Variants in TENM2 observed in about 807,000 individuals in gnomAD.
TENM2 encodes the protein teneurin transmembrane protein 2, also known as teneurin-2.
In TENM2, 52 loss-of-function variants were observed where a neutral mutation model predicts 245.2. The ratio of observed to expected loss-of-function variants is 0.21; its 90% CI spans 0.17 to 0.27. The LOEUF is 0.27. Ranked by LOEUF, TENM2 falls within the 10% of genes least tolerant of loss-of-function variation. The pLI, the probability that TENM2 is intolerant of heterozygous loss-of-function variation, is 1.00. For synonymous variants in TENM2, 1,363 were observed against 1,438.9 expected, an observed-to-expected ratio of 0.95 and a Z score of 1.19; for missense variants, 3,046 against 3,666.8, an observed-to-expected ratio of 0.83 and a Z score of 4.37.
chr5:167,189,523 TTCTC>T, the TENM2 span, among the ~76,000 whole-genome samples: 3 of 151,874 alleles, frequency 2.0e-5, no homozygotes, highest in Non-Finnish European at 4.4e-5. Flanking sequence ...CTTCCTTCCT[TTCTC>T]TCTTTCTTTC....
At chr5:167,782,085 G>A (rs1043765508) in intron 2 of TENM2, among the ~76,000 whole-genome samples, 6 of 151,990 alleles carry the variant, frequency 3.9e-5, no homozygotes, top group Admixed American at 2.0e-4. Context: ...AGGATAAGGC[G>A]GGTGAATCAC....
intron 5 of TENM2, among the ~76,000 whole-genome samples, chr5:167,997,128 A>G (rs552684925): frequency 6.6e-6 from 1 of 152,292 alleles, no homozygotes; most frequent in East Asian, 1.9e-4. Context: ...TCTGCATATT[A>G]CAATCATTTG....
chr5:167,718,033 A>G (rs781419100), intron 2 of TENM2, among the ~76,000 whole-genome samples: 2 of 152,168 alleles, frequency 1.3e-5, no homozygotes, highest in Non-Finnish European at 2.9e-5. Context: ...TGCTGTTCTG[A>G]AAGTCTGAAT....
chr5:167,422,857 G>A (rs1444678974), intron 2 of TENM2, among the ~76,000 whole-genome samples: 2 of 152,148 alleles, frequency 1.3e-5, no homozygotes, highest in Non-Finnish European at 2.9e-5. Context: ...TCAGCAGGAA[G>A]TCTAGAAAGA....
intron 2 of TENM2, among the ~76,000 whole-genome samples, chr5:167,545,232 A>G (rs1327137633): frequency 6.6e-6 from 1 of 152,188 alleles, no homozygotes. Context: ...GTTGTCCTAA[A>G]GCTTACACGA....
the TENM2 span, among the ~76,000 whole-genome samples, chr5:167,260,644 G>A: frequency 4.2e-3 from 637 of 152,292 alleles, no homozygotes; most frequent in Admixed American, 0.011. Context: ...TGCTTGTGGA[G>A]CACTGTGCTA....
chr5:167,670,804 G>A (rs1005210560), intron 2 of TENM2, among the ~76,000 whole-genome samples: 1 of 152,110 alleles, frequency 6.6e-6, no homozygotes, highest in East Asian at 1.9e-4. Context: ...AATCTATCAG[G>A]TTCCAAAGAA....
chr5:168,036,394 T>A (rs1787664894), intron 5 of TENM2, among the ~76,000 whole-genome samples: 1 of 152,052 alleles, frequency 6.6e-6, no homozygotes, highest in Admixed American at 6.6e-5. Flanking sequence ...CCCAGCACTT[T>A]GGGAGGCCGA....
chr5:168,036,787 A>G, intron 5 of TENM2, among the ~76,000 whole-genome samples: 1 of 150,110 alleles, frequency 6.7e-6, no homozygotes, highest in East Asian at 1.9e-4. Context: ...GTATATATAT[A>G]TAAATTGTCA....
At chr5:167,626,218 G>A (rs1778490608) in intron 2 of TENM2, among the ~76,000 whole-genome samples, 1 of 151,970 alleles carries the variant, frequency 6.6e-6, no homozygotes, top group Non-Finnish European at 1.5e-5. Flanking sequence ...CACAAATTGA[G>A]GTGGATTGTC....
intron 2 of TENM2, among the ~76,000 whole-genome samples, chr5:167,698,423 T>TCCCTGTGCTAGAACACTGTC (rs1757912627): frequency 6.6e-6 from 1 of 152,112 alleles, no homozygotes; most frequent in African/African-American, 2.4e-5. Context: ...TCCACACTGT[T>TCCCTGTGCTAGAACACTGTC]CCCTGTGCTA....
the TENM2 span, among the ~76,000 whole-genome samples, chr5:167,048,440 A>G: frequency 2.0e-5 from 3 of 152,174 alleles, no homozygotes; most frequent in Non-Finnish European, 4.4e-5. Context: ...CAGAGTCACC[A>G]TACATTGGAA....
chr5:167,578,371 A>C (rs73801294), intron 2 of TENM2, among the ~76,000 whole-genome samples: 1,855 of 152,360 alleles, frequency 0.012, 27 homozygotes, highest in African/African-American at 0.028. Context: ...AGACTTCAGC[A>C]GTAAGGTTGA....
Position 167,617,674 on chromosome 5 carries a change from C to T in TENM2, c.502+242201C>T, listed in dbSNP as rs115108152. Among the ~76,000 whole-genome samples, 1,226 of 152,222 alleles carry T rather than the reference C, an allele frequency of 8.1e-3. 20 individuals are homozygous for T. The highest frequency in any genetic ancestry group is 0.028 in the African/African-American group (1,160 of 41,548). On this transcript the variant is annotated intron_variant, in intron 2 of 28. Transcript: ENST00000518659. ...CTCTAATATCCCCTAGTAGAGGCTT[C>T]GTGTTTGAACAGTCTTTGTAGCCAG...
chr5:168,258,030 A>T (rs184100366), intron 27 of TENM2, among the ~76,000 whole-genome samples: 52 of 152,318 alleles, frequency 3.4e-4, no homozygotes, highest in African/African-American at 1.2e-3. Context: ...GAGTAGAGGC[A>T]GTGGAAGTGG....
chr5:167,685,031 A>G (rs1362112924), intron 2 of TENM2, among the ~76,000 whole-genome samples: 1 of 152,190 alleles, frequency 6.6e-6, no homozygotes, highest in Admixed American at 6.5e-5. Context: ...TCCTAGGGTC[A>G]CATTTTAGAA....
At chr5:167,495,218 T>G (rs1405034784) in intron 2 of TENM2, among the ~76,000 whole-genome samples, 2 of 139,112 alleles carry the variant, frequency 1.4e-5, no homozygotes, top group African/African-American at 5.2e-5. Context: ...TAAAGTTCCT[T>G]TAATGTTTTT....
chr5:168,244,453 G>T lies in TENM2; in HGVS notation c.5554G>T (p.Asp1852Tyr). The change falls in exon 26 of 29, where the codon GAT becomes TAT. Residue 1852 changes from aspartate to tyrosine, a missense_variant. Physicochemically the swap from Asp to Tyr is radical, Grantham distance 160. This residue lies in a region of TENM2 where 2,704 missense variants were observed against 3,331.9 expected (regional missense o/e 0.81). Coordinates refer to ENST00000518659, the Ensembl canonical transcript of TENM2. The surrounding 1 kb of genome is among the most constrained non-coding windows in gnomAD (Gnocchi z 4.9). The stretch of plus-strand genomic sequence containing the variant: ...AAGAAATCTCTTGTCCATTGACTAT[G>T]ATCGAAATATTCGGACTGAAAAGAT... 1 of 1,576,136 alleles carries T rather than the reference G, an allele frequency of 6.3e-7. No homozygotes were observed. Among genetic ancestry groups the T allele is most frequent in the South Asian group, 1.1e-5 (1 of 86,964 alleles).
intron 2 of TENM2, among the ~76,000 whole-genome samples, chr5:167,682,604 C>T (rs938411223): frequency 1.3e-5 from 2 of 152,100 alleles, no homozygotes; most frequent in East Asian, 3.9e-4. Context: ...TGTTTCCCTT[C>T]TTTCATAGTA....
Sources: allele counts gnomAD v4.1 joint callset (sites outside exome capture counted in the v4.1 genomes callset), GRCh38; gene constraint gnomAD v4.1.1; regional missense constraint gnomAD v4.1.1; non-coding constraint Gnocchi (gnomAD v3.1); transcripts MANE v1.5; gene names NCBI Gene and HGNC (gene_info 2026-07-23, HGNC 2026-07-21).